SCMH1: variants seen among roughly 807,000 people sequenced by gnomAD.
The protein encoded by SCMH1 is Scm polycomb group protein homolog 1.
Under a neutral mutation model 70.8 loss-of-function variants are expected in SCMH1, and 37 were observed. The observed-to-expected ratio is 0.52, with a 90% CI of 0.40 to 0.69. The LOEUF (loss-of-function observed/expected upper bound fraction) is 0.69, where lower values mean the gene tolerates loss of function less well. SCMH1 is among the 30% of genes least tolerant of loss of function. The pLI is 0.00. For missense variants in SCMH1, 607 were observed against 827.3 expected (o/e 0.73, Z 3.27); for synonymous variants, 292 against 307.4 (o/e 0.95, Z 0.52).
intron 6 of SCMH1, among the ~76,000 whole-genome samples, chr1:41,120,686 T>C (rs61781827): frequency 0.011 from 1,612 of 152,262 alleles, 8 homozygotes; most frequent in Non-Finnish European, 0.016. Context: ...CAATCATAGA[T>C]AGTAGATAAT....
At chr1:41,134,635 G>C (rs1642976807) in intron 6 of SCMH1, among the ~76,000 whole-genome samples, 1 of 152,178 alleles carries the variant, frequency 6.6e-6, no homozygotes, top group African/African-American at 2.4e-5. Flanking sequence ...TTGAAGAGCA[G>C]AAGTTCTTAA....
chr1:41,130,213 T>C (rs12135481), intron 6 of SCMH1, among the ~76,000 whole-genome samples: 1 of 152,138 alleles, frequency 6.6e-6, no homozygotes, highest in Non-Finnish European at 1.5e-5. Flanking sequence ...TTATTTTTAA[T>C]TTTTTAAATA....
chr1:41,219,737 C>T (rs1557854564), intron 1 of SCMH1, among the ~76,000 whole-genome samples: 1 of 152,126 alleles, frequency 6.6e-6, no homozygotes, highest in African/African-American at 2.4e-5. Context: ...TGAGATCAGC[C>T]TGGCCAACAC....
chr1:41,098,782 G>A (rs1358997168), intron 8 of SCMH1: 6 of 5,602 alleles, frequency 1.1e-3, no homozygotes, highest in African/African-American at 1.3e-3. Context: ...CCCACCCCCC[G>A]CCAGCCCACA....
At chr1:41,163,124 G>A (rs1248312909) in intron 2 of SCMH1, 1 of 152,226 alleles carries the variant, frequency 6.6e-6, no homozygotes, top group Non-Finnish European at 1.5e-5. Flanking sequence ...CGGCCCTGTG[G>A]TTCCTCCAAG....
chr1:41,160,509 T>C (rs1645923550), intron 4 of SCMH1, among the ~76,000 whole-genome samples: 1 of 152,208 alleles, frequency 6.6e-6, no homozygotes. Context: ...AAGTAATTTT[T>C]TTGGGGGAAA....
chr1:41,212,171 T>C (rs1657173477), intron 1 of SCMH1, among the ~76,000 whole-genome samples: 1 of 151,964 alleles, frequency 6.6e-6, no homozygotes, highest in African/African-American at 2.4e-5. Flanking sequence ...AATAAATAAA[T>C]ACGAAACAAA....
chr1:41,188,650 G>A (rs1291498990), intron 1 of SCMH1, among the ~76,000 whole-genome samples: 2 of 152,190 alleles, frequency 1.3e-5, no homozygotes, highest in Non-Finnish European at 2.9e-5. Context: ...AGAAGAATCT[G>A]TAAGGCTATG....
intron 1 of SCMH1, among the ~76,000 whole-genome samples, chr1:41,208,317 C>T (rs1378760817): frequency 1.1e-4 from 14 of 127,750 alleles, no homozygotes; most frequent in East Asian, 9.0e-4. Flanking sequence ...GGGAGATATA[C>T]CTAATGCTAG....
intron 2 of SCMH1, among the ~76,000 whole-genome samples, chr1:41,174,128 A>C (rs1646962008): frequency 6.6e-6 from 1 of 152,176 alleles, no homozygotes. Flanking sequence ...GTTTGAAGGG[A>C]TTGATATACT....
chr1:41,042,625 T>A (rs571746120), intron 12 of SCMH1, among the ~76,000 whole-genome samples: 2 of 152,162 alleles, frequency 1.3e-5, no homozygotes, highest in East Asian at 3.9e-4. Context: ...TGCTCTGACA[T>A]TGCCTCCCCC....
At chr1:41,193,669 C>T (rs575610823) in intron 1 of SCMH1, among the ~76,000 whole-genome samples, 1 of 152,168 alleles carries the variant, frequency 6.6e-6, no homozygotes, top group South Asian at 2.1e-4. Flanking sequence ...TTGGACAATG[C>T]TAGCCATTTA....
At chr1:41,217,970 A>G (rs1005836521) in intron 1 of SCMH1, among the ~76,000 whole-genome samples, 9 of 152,174 alleles carry the variant, frequency 5.9e-5, no homozygotes, top group Admixed American at 6.5e-5. Flanking sequence ...TTACCATTGT[A>G]TCTTGGAAGC....
At chr1:41,034,821 A>G (rs1427819998) in intron 13 of SCMH1, among the ~76,000 whole-genome samples, 1 of 152,064 alleles carries the variant, frequency 6.6e-6, no homozygotes, top group East Asian at 1.9e-4. Flanking sequence ...GTACCCAACC[A>G]TTGGCTCTTC....
At chr1:41,223,426 A>C (rs935875715) in intron 1 of SCMH1, among the ~76,000 whole-genome samples, 1 of 152,172 alleles carries the variant, frequency 6.6e-6, no homozygotes, top group Non-Finnish European at 1.5e-5. Flanking sequence ...TCTCTGAGCC[A>C]TCTTTGTACT....
At chr1:41,203,247 A>T (rs1025948874) in intron 1 of SCMH1, among the ~76,000 whole-genome samples, 1 of 152,176 alleles carries the variant, frequency 6.6e-6, no homozygotes. Context: ...GTAAATTTAC[A>T]CTTGAAAAAG....
chr1:41,057,311 G>A (rs1200804102), intron 10 of SCMH1, among the ~76,000 whole-genome samples: 1 of 152,084 alleles, frequency 6.6e-6, no homozygotes, highest in East Asian at 1.9e-4. Flanking sequence ...TGTCGCCCAG[G>A]CCGGAGTGCA....
intron 8 of SCMH1, among the ~76,000 whole-genome samples, chr1:41,112,526 A>T (rs213731): frequency 0.85 from 129,239 of 151,970 alleles, 55,465 homozygotes; most frequent in East Asian, 0.97. Flanking sequence ...ACTCTCTCAT[A>T]GGTAGTGGTT....
chr1:41,208,293 G>A (rs1345151225), intron 1 of SCMH1, among the ~76,000 whole-genome samples: 1 of 104,390 alleles, frequency 9.6e-6, no homozygotes, highest in Admixed American at 1.1e-4. Flanking sequence ...GGGGGAGGGG[G>A]GAGGGATAGC....
Sources: gnomAD v4.1 joint callset for allele counts (sites outside exome capture counted in the v4.1 genomes callset) on GRCh38, gnomAD v4.1.1 for gene constraint, MANE v1.5 for transcripts, NCBI Gene and HGNC (gene_info 2026-07-23, HGNC 2026-07-21) for gene names.